RANBP2: variants seen among roughly 807,000 people sequenced by gnomAD.
RANBP2 encodes the protein E3 SUMO-protein ligase RanBP2.
In RANBP2, 57 loss-of-function variants were observed where a neutral mutation model predicts 303.6. The observed-to-expected ratio is 0.19, with a 90% CI of 0.15 to 0.23. The LOEUF is 0.23. RANBP2 is among the 10% of genes least tolerant of loss of function. The pLI, the probability that RANBP2 is intolerant of heterozygous loss-of-function variation, is 1.00. For missense variants in RANBP2, 3,138 were observed against 3,780.8 expected (o/e 0.83, Z 4.46); for synonymous variants, 1,167 against 1,301.5 (o/e 0.90, Z 2.23).
the RANBP2 span, among the ~76,000 whole-genome samples, chr2:109,189,300 C>T: frequency 1.3e-5 from 2 of 151,766 alleles, no homozygotes; most frequent in South Asian, 4.2e-4. Context: ...GATTGTCAGG[C>T]TCCACCTGAC....
the RANBP2 span, among the ~76,000 whole-genome samples, chr2:109,447,187 A>AAAAAGT: frequency 3.3e-5 from 5 of 151,404 alleles, no homozygotes; most frequent in Non-Finnish European, 7.4e-5. Context: ...AAAGAAAAAG[A>AAAAAGT]AAACAGAAAA....
At chr2:109,390,938 G>A in the RANBP2 span, among the ~76,000 whole-genome samples, 21 of 152,270 alleles carry the variant, frequency 1.4e-4, no homozygotes, top group Non-Finnish European at 2.2e-4. Context: ...TGGGGTAGGC[G>A]GGCAGGTTCC....
intron 26 of RANBP2, among the ~76,000 whole-genome samples, chr2:108,781,740 T>G (rs1218286598): frequency 2.6e-5 from 4 of 152,206 alleles, no homozygotes; most frequent in Non-Finnish European, 2.9e-5. Flanking sequence ...CTAAAGTCCT[T>G]TCAATAAATG....
At chr2:109,194,635 C>A in the RANBP2 span, among the ~76,000 whole-genome samples, 1 of 152,214 alleles carries the variant, frequency 6.6e-6, no homozygotes, top group Admixed American at 6.5e-5. Context: ...GTATCTTCTG[C>A]ATATACAGGA....
the RANBP2 span, among the ~76,000 whole-genome samples, chr2:109,566,206 C>T: frequency 7.2e-5 from 11 of 152,034 alleles, no homozygotes; most frequent in African/African-American, 2.4e-4. Context: ...CTGCAGCCTC[C>T]GCCTCCTGGG....
chr2:109,005,925 C>T, the RANBP2 span, among the ~76,000 whole-genome samples: 1 of 152,280 alleles, frequency 6.6e-6, no homozygotes, highest in South Asian at 2.1e-4. Flanking sequence ...CCCAGGGCTT[C>T]GGAGTCGTGG....
the RANBP2 span, among the ~76,000 whole-genome samples, chr2:109,055,639 C>T: frequency 6.6e-6 from 1 of 152,054 alleles, no homozygotes; most frequent in Non-Finnish European, 1.5e-5. Flanking sequence ...CTGCCTCGAC[C>T]TCCCAAAGTG....
At chr2:109,150,018 G>T in the RANBP2 span, among the ~76,000 whole-genome samples, 48 of 152,316 alleles carry the variant, frequency 3.2e-4, no homozygotes, top group Non-Finnish European at 6.0e-4. Context: ...TCTCAGCCCA[G>T]GGCCCTGTGA....
At chr2:109,565,720 A>G in the RANBP2 span, 2 of 1,487,924 alleles carry the variant, frequency 1.3e-6, no homozygotes, top group Non-Finnish European at 1.9e-6. Flanking sequence ...CTTTGAGATT[A>G]CTAGATAGAT....
chr2:109,274,434 A>G, the RANBP2 span, among the ~76,000 whole-genome samples: 38 of 152,338 alleles, frequency 2.5e-4, no homozygotes, highest in African/African-American at 9.1e-4. Context: ...TGTGCCTGCA[A>G]TGGACTTTTA....
chr2:109,703,857 C>T, the RANBP2 span, among the ~76,000 whole-genome samples: 2 of 152,218 alleles, frequency 1.3e-5, no homozygotes, highest in Admixed American at 1.3e-4. Context: ...CCTCCCTCTG[C>T]CCAAAAGTGG....
chr2:109,553,284 C>A, the RANBP2 span: 12 of 1,558,696 alleles, frequency 7.7e-6, no homozygotes, highest in African/African-American at 1.6e-4. Flanking sequence ...GCGGCTCACG[C>A]CTGTAATCCC....
chr2:109,574,927 T>C, the RANBP2 span, among the ~76,000 whole-genome samples: 2 of 152,244 alleles, frequency 1.3e-5, no homozygotes, highest in Non-Finnish European at 2.9e-5. Context: ...GTGCAGAACA[T>C]GCGCAAAAGC....
the RANBP2 span, among the ~76,000 whole-genome samples, chr2:109,299,440 G>T: frequency 6.6e-6 from 1 of 151,722 alleles, no homozygotes; most frequent in Admixed American, 6.6e-5. Context: ...TCACCCTAAG[G>T]GTGATCTTAA....
the RANBP2 span, among the ~76,000 whole-genome samples, chr2:109,264,308 A>C: frequency 8.7e-6 from 1 of 115,586 alleles, no homozygotes; most frequent in Non-Finnish European, 1.7e-5. Flanking sequence ...GATCCACCCC[A>C]AGTCTGTGTG....
chr2:108,813,481 T>C, the RANBP2 span, among the ~76,000 whole-genome samples: 1 of 152,176 alleles, frequency 6.6e-6, no homozygotes, highest in East Asian at 1.9e-4. Flanking sequence ...CAGGTACGTA[T>C]CATTGACACA....
intron 22 of RANBP2, 85 bp downstream of exon 22, chr2:108,772,666 T>C: frequency 1.4e-6 from 2 of 1,381,794 alleles, no homozygotes; most frequent in Non-Finnish European, 2.0e-6. Context: ...ATTTCTATAA[T>C]TATCGATTTT....
At chr2:109,592,985 T>C in the RANBP2 span, 10 of 1,072,368 alleles carry the variant, frequency 9.3e-6, no homozygotes, top group South Asian at 2.2e-5. Flanking sequence ...GCACTCCAAG[T>C]AGTTATTTTA....
At chr2:109,377,251 C>T in the RANBP2 span, among the ~76,000 whole-genome samples, 4,903 of 152,256 alleles carry the variant, frequency 0.032, 189 homozygotes, top group African/African-American at 0.085. Context: ...GGGTGCTGGA[C>T]CTCCGTGGGC....
Sources: gnomAD v4.1 joint callset for allele counts (sites outside exome capture counted in the v4.1 genomes callset) on GRCh38, gnomAD v4.1.1 for gene constraint, MANE v1.5 for transcripts, NCBI Gene and HGNC (gene_info 2026-07-23, HGNC 2026-07-21) for gene names.